The following WDPCP variants were observed in gnomAD, a reference collection of about 807,000 sequenced individuals.
WDPCP encodes WD repeat-containing and planar cell polarity effector protein fritz homolog.
A neutral mutation model predicts 93.1 loss-of-function variants in WDPCP; 71 were observed. The ratio of observed to expected loss-of-function variants is 0.76; its 90% confidence interval spans 0.63 to 0.93. The LOEUF (loss-of-function observed/expected upper bound fraction) is 0.93. Ranked by LOEUF, WDPCP falls within the 40% of genes least tolerant of loss-of-function variation. The pLI is 0.00. For synonymous variants in WDPCP, 315 were observed against 315.0 expected (o/e 1.00, Z 0.00); for missense variants, 844 against 887.4 (o/e 0.95, Z 0.62).
At chr2:63,808,783 G>A (rs1207139581) in intron 2 of WDPCP, among the ~76,000 whole-genome samples, 1 of 152,304 alleles carries the variant, frequency 6.6e-6, no homozygotes, top group East Asian at 1.9e-4. Flanking sequence ...GAAGTGAGGA[G>A]CGTCTCTGCC....
chr2:63,409,373 G>A (rs769712138), intron 9 of WDPCP, among the ~76,000 whole-genome samples: 8 of 152,266 alleles, frequency 5.3e-5, no homozygotes, highest in Admixed American at 1.3e-4. Context: ...AAGAGAACAC[G>A]CAGAGGGACA....
intron 1 of WDPCP, among the ~76,000 whole-genome samples, chr2:63,508,457 A>C (rs919120837): frequency 1.3e-5 from 2 of 152,182 alleles, no homozygotes; most frequent in African/African-American, 2.4e-5. Flanking sequence ...GAAAGGAAAA[A>C]CCAGTACCAG....
chr2:63,289,605 A>T (rs1684251387), intron 13 of WDPCP, among the ~76,000 whole-genome samples: 1 of 152,050 alleles, frequency 6.6e-6, no homozygotes, highest in Admixed American at 6.5e-5. Context: ...ATATTTAGGG[A>T]ATATGCCATG....
chr2:63,369,429 A>G (rs1405613227), intron 12 of WDPCP: 4 of 456,484 alleles, frequency 8.8e-6, no homozygotes, highest in African/African-American at 8.0e-5. Flanking sequence ...CTCTCTTATA[A>G]AAGTGGTCCT....
At chr2:63,347,248 A>G (rs1489629814) in intron 12 of WDPCP, among the ~76,000 whole-genome samples, 1 of 152,228 alleles carries the variant, frequency 6.6e-6, no homozygotes, top group Non-Finnish European at 1.5e-5. Context: ...GAGATGTTAA[A>G]TAAGAGTTGC....
chr2:63,322,252 G>C (rs982285207), intron 12 of WDPCP, among the ~76,000 whole-genome samples: 1 of 152,058 alleles, frequency 6.6e-6, no homozygotes, highest in Non-Finnish European at 1.5e-5. Flanking sequence ...TCTGTAAAAT[G>C]GACCAATCAG....
intron 13 of WDPCP, among the ~76,000 whole-genome samples, chr2:63,311,093 C>T (rs1252728871): frequency 1.3e-5 from 2 of 152,078 alleles, no homozygotes; most frequent in African/African-American, 2.4e-5. Context: ...ATGTTGTATG[C>T]CTTGTAACTT....
chr2:63,602,447 T>TTGA (rs1410633160), intron 3 of WDPCP, among the ~76,000 whole-genome samples: 1 of 149,174 alleles, frequency 6.7e-6, no homozygotes, highest in Non-Finnish European at 1.5e-5. Flanking sequence ...CCATCACCCA[T>TTGA]TGATGGTACC....
intron 1 of WDPCP, among the ~76,000 whole-genome samples, chr2:63,499,273 A>C (rs1489761663): frequency 6.6e-6 from 1 of 152,208 alleles, no homozygotes; most frequent in Non-Finnish European, 1.5e-5. Context: ...ACCCAAAAGA[A>C]TAAATTAGAA....
chr2:63,747,867 C>A (rs1669822278), intron 2 of WDPCP, among the ~76,000 whole-genome samples: 1 of 152,008 alleles, frequency 6.6e-6, no homozygotes, highest in South Asian at 2.1e-4. Context: ...AAATTAGGGA[C>A]AACAGATATC....
chr2:63,153,553 A>G lies in WDPCP; in HGVS notation c.2100T>C (p.Asn700=), dbSNP rs750072605. The change falls in exon 16 of 18, where the codon AAT becomes AAC. Residue 700 remains asparagine (N), a synonymous_variant. Coordinates refer to ENST00000272321, the MANE Select transcript of WDPCP (RefSeq NM_015910.7). ...CAGAACAGATGTCTTTTTCAAGTTC[A>G]TTCCTTCTGTCAATTATTTGTCTGC... The part of the protein sequence containing the change: ...SSNRQIIDRR[N]ELEKDICSGF... 5 of 1,612,420 alleles carry G rather than the reference A, an allele frequency of 3.1e-6. No individual in the cohort carries two copies. Among genetic ancestry groups the G allele is most frequent in the Admixed American group, 1.7e-5 (1 of 59,916 alleles).
At chr2:63,454,221 T>A in intron 6 of WDPCP, among the ~76,000 whole-genome samples, 1 of 150,080 alleles carries the variant, frequency 6.7e-6, no homozygotes, top group African/African-American at 2.5e-5. Flanking sequence ...TGGATGAAGC[T>A]GGAAACCATC....
intron 2 of WDPCP, among the ~76,000 whole-genome samples, chr2:63,808,125 C>A (rs1670794643): frequency 6.6e-6 from 1 of 152,164 alleles, no homozygotes; most frequent in Admixed American, 6.5e-5. Context: ...ATAACTGAGG[C>A]CACAAGGCTG....
At chr2:63,494,183 C>A (rs1370166250) in intron 1 of WDPCP, among the ~76,000 whole-genome samples, 2 of 152,030 alleles carry the variant, frequency 1.3e-5, no homozygotes, top group Non-Finnish European at 2.9e-5. Context: ...GGGGCCCAAT[C>A]CTGCCTGAAC....
chr2:63,685,288 G>A (rs1157607301), intron 2 of WDPCP, among the ~76,000 whole-genome samples: 5 of 152,118 alleles, frequency 3.3e-5, no homozygotes, highest in South Asian at 2.1e-4. Context: ...AACTGATAGA[G>A]CAGAAATTCA....
chr2:63,733,440 G>A (rs944687453), intron 2 of WDPCP, among the ~76,000 whole-genome samples: 4 of 146,460 alleles, frequency 2.7e-5, no homozygotes, highest in African/African-American at 1.0e-4. Flanking sequence ...CTGACCTCAT[G>A]ATCCACCCGC....
intron 10 of WDPCP, among the ~76,000 whole-genome samples, chr2:63,400,803 T>C (rs973497689): frequency 7.9e-5 from 12 of 152,048 alleles, no homozygotes; most frequent in African/African-American, 2.7e-4. Context: ...TATAGACCAA[T>C]GGAAGAGAAA....
At chr2:63,717,433 G>A (rs980999104) in intron 2 of WDPCP, 5 of 388,034 alleles carry the variant, frequency 1.3e-5, no homozygotes, top group African/African-American at 2.1e-5. Flanking sequence ...AATGCCAGAG[G>A]CTGCTGCCCA....
intron 3 of WDPCP, chr2:63,622,575 A>G: frequency 1.2e-6 from 2 of 1,613,884 alleles, no homozygotes; most frequent in Non-Finnish European, 1.7e-6. Context: ...CTGTGGGTCC[A>G]CAATAGAGTC....
Sources: gnomAD v4.1 joint callset for allele counts (sites outside exome capture counted in the v4.1 genomes callset) on GRCh38, gnomAD v4.1.1 for gene constraint, MANE v1.5 for transcripts, NCBI Gene and HGNC (gene_info 2026-07-23, HGNC 2026-07-21) for gene names.